AIFM3: variants seen among roughly 807,000 people sequenced by gnomAD.
AIFM3 encodes the protein apoptosis-inducing factor 3.
Under a neutral mutation model 82.7 loss-of-function variants are expected in AIFM3, and 71 were observed. That is an observed-to-expected ratio of 0.86 (90% confidence interval 0.71 to 1.05). The LOEUF (loss-of-function observed/expected upper bound fraction) is 1.05. AIFM3 is among the 50% of genes least tolerant of loss of function. The pLI is 0.00. For synonymous variants in AIFM3, 337 were observed against 329.1 expected (o/e 1.02, Z -0.26); for missense variants, 748 against 816.7 (o/e 0.92, Z 1.03).
At position 20,975,760 on chromosome 22, in the gene AIFM3, G is replaced by T. The variant is rs1408097932; in HGVS notation, c.789G>T (p.Glu263Asp). The change falls in exon 9 of 21, where the codon GAG becomes GAT. Residue 263 changes from glutamate to aspartate, a missense_variant. Glu to Asp is a conservative substitution (Grantham distance 45). Around this residue, in one of 5 missense-constraint regions of AIFM3, gnomAD observed 393 missense variants for 481.1 expected, o/e 0.82. Transcript: ENST00000440238. ...AGTTTTTCCGAGCCTATGGCATCGA[G>T]GTGCTCACCGAGGCTCAGGTACAGG... ...PKEFFRAYGI[E>D]VLTEAQVVTV... is the part of the protein sequence containing the mutation. 6.2e-7 allele frequency: 1 copy of T among 1,613,124 alleles called. No homozygotes were observed. The highest frequency in any genetic ancestry group is 8.5e-7 in the Non-Finnish European group (1 of 1,180,000).
In AIFM3 at chr22:20,974,083, G is replaced by A. The variant is rs1214392294; in HGVS notation, c.376G>A (p.Val126Met). ...LVKGVLSRGR[V>M]RCPWHGACFN... The stretch of plus-strand genomic sequence containing the variant: ...CCCAGGCGTTCTGTCCCGTGGTCGG[G>A]TGCGCTGCCCCTGGCACGGCGCCTG... Residue 126 changes from valine to methionine, a missense_variant, in exon 5 of 21, where the codon GTG (valine) becomes ATG (methionine). Coordinates refer to ENST00000440238, the MANE Select transcript of AIFM3 (RefSeq NM_001386814.1). The A allele has an allele frequency of 1.2e-6, 2 of 1,610,848 alleles. No homozygotes were observed. The highest frequency in any genetic ancestry group is 1.7e-6 in the Non-Finnish European group (2 of 1,179,594).
At chr22:20,978,483 T>C (rs1569150563) in intron 16 of AIFM3, among the ~76,000 whole-genome samples, 1 of 152,010 alleles carries the variant, frequency 6.6e-6, no homozygotes, top group East Asian at 1.9e-4. Context: ...CCTCCTGATG[T>C]TTGCTGGCCA....
Position 20,981,073 on chromosome 22 carries a change from G to A in AIFM3, c.*42G>A. The A allele has an allele frequency of 6.2e-7, 1 of 1,613,284 alleles. No homozygotes were observed. ...CTTGGGCAGGCAAAGGGGGCACCAA[G>A]GGCACAGGCCAAGCCTTGGGGGCAG... On this transcript the variant is annotated 3_prime_UTR_variant, in exon 21 of 21. Coordinates refer to ENST00000440238, the MANE Select transcript of AIFM3 (RefSeq NM_001386814.1).
chr22:20,980,458 G>T, intron 19 of AIFM3: 1 of 598,452 alleles, frequency 1.7e-6, no homozygotes, highest in Non-Finnish European at 3.0e-6. Context: ...CAGAAGCTAG[G>T]TGGGAAATGC....
At position 20,973,764 on chromosome 22, in the gene AIFM3, G is replaced by A; in HGVS notation, c.252G>A (p.Arg84=). ...GAGTGCTGCGGTTCCCCAGGATGCG[G>A]GAAGTGGAGCTGGGCTGGGGGAAGG... ...HVKDLENGQM[R]EVELGWGKVL... is the part of the protein sequence containing the mutation. The change falls in exon 4 of 21, where the codon CGG becomes CGA. Residue 84 remains arginine, a synonymous_variant. Transcript: ENST00000440238. 6.4e-7 allele frequency: 1 copy of A among 1,561,464 alleles called. No individual in the cohort carries two copies. Among genetic ancestry groups the A allele is most frequent in the Non-Finnish European group, 8.7e-7 (1 of 1,153,650 alleles).
intron 16 of AIFM3, among the ~76,000 whole-genome samples, chr22:20,978,868 G>A (rs1031955953): frequency 6.6e-6 from 1 of 152,108 alleles, no homozygotes; most frequent in East Asian, 1.9e-4. Context: ...ATCCACACTG[G>A]TCTCTTTGGG....
At chr22:20,965,673 T>TGGGAGTCCGATCTGGGC (rs1317985659), upstream of AIFM3, among the ~76,000 whole-genome samples, 23 of 152,158 alleles carry the variant, frequency 1.5e-4, no homozygotes, top group Admixed American at 3.9e-4. Context: ...TGGAAGCCAC[T>TGGGAGTCCGATCTGGGC]GGGAGTCCGA....
At chr22:20,979,973 G>T in intron 18 of AIFM3, 47 bp from the exon 19 acceptor site, 2 of 1,559,638 alleles carry the variant, frequency 1.3e-6, no homozygotes, top group South Asian at 1.1e-5. Context: ...TTTCAAAAAG[G>T]GGCTGCTGCC....
rs1019908962 is a variant in AIFM3 at position 20,967,297 on chromosome 22, C to G, written c.-147C>G. The G allele has an allele frequency of 2.6e-5, 4 of 152,432 alleles. No individual in the cohort carries two copies. Among genetic ancestry groups the G allele is most frequent in the East Asian group, 1.9e-4 (1 of 5,162 alleles). The allele number at this position is 152,432 out of a possible 1,614,324, so 9.4% of individuals were successfully genotyped here. ...GGAACACGGAGCAGTGGCTGCCCTG[C>G]GAGGAGGTGGGTGTCCGGAGTGCTA... is the stretch of plus-strand genomic sequence containing the variant. On this transcript the variant is annotated 5_prime_UTR_variant, in exon 1 of 21. Transcript: ENST00000440238.
chr22:20,979,997 G>C lies in AIFM3; in HGVS notation c.1653-23G>C, dbSNP rs770285153. 5.6e-5 allele frequency: 90 copies of C among 1,605,256 alleles called. 1 individual carries two copies. In the Middle Eastern group the frequency reaches 8.2e-4, roughly 15 times the overall value. On this transcript the variant is annotated intron_variant, in intron 18 of 20. Coordinates refer to ENST00000440238, the MANE Select transcript of AIFM3 (RefSeq NM_001386814.1). ...GGGGCTGCTGCCTCGCAGTCCTCAG[G>C]CTTGGCCATCCTCTCCTTGCAGAGG...
chr22:20,970,455 A>AT (rs1486460472), intron 2 of AIFM3, among the ~76,000 whole-genome samples: 1 of 151,828 alleles, frequency 6.6e-6, no homozygotes, highest in African/African-American at 2.4e-5. Context: ...AATTTTATTT[A>AT]TTTTTTTAAC....
upstream of AIFM3, chr22:20,966,510 C>A (rs774417093): frequency 6.6e-6 from 1 of 152,328 alleles, no homozygotes; most frequent in Non-Finnish European, 1.5e-5. Context: ...TCTCAGGCAC[C>A]CACCCACGGC....
Position 20,973,836 on chromosome 22 carries a change from G to A in AIFM3, c.324G>A (p.Lys108=). 2.5e-6 allele frequency: 4 copies of A among 1,572,626 alleles called. No individual in the cohort carries two copies. Among genetic ancestry groups the A allele is most frequent in the Non-Finnish European group, 3.5e-6 (4 of 1,158,516 alleles). The change falls in exon 4 of 21, where the codon AAG becomes AAA. Residue 108 remains lysine, a synonymous_variant. Coordinates refer to ENST00000440238, the MANE Select transcript of AIFM3 (RefSeq NM_001386814.1). The part of the protein sequence containing the change: ...DNGEFHALGH[K]CPHYGAPLVK... ...GGGAGTTCCACGCCCTGGGCCATAA[G>A]TGTCCGCACTACGGCGCACCCCTGG...
At position 20,974,586 on chromosome 22, in the gene AIFM3, A is replaced by G; in HGVS notation, c.572A>G (p.Tyr191Cys). ...MAKCISPSAGYSSSTNVLIVG... is the reference protein window; with the variant it reads ...MAKCISPSAGCSSSTNVLIVG... ...AAGTGTATCTCTCCAAGTGCTGGGTACAGCAGTAGCACCAATGTGCTCATT... is the reference window on the plus strand; with the variant it reads ...AAGTGTATCTCTCCAAGTGCTGGGTGCAGCAGTAGCACCAATGTGCTCATT... Residue 191 changes from tyrosine to cysteine, a missense_variant, in exon 7 of 21, where the codon TAC becomes TGC. By Grantham distance (194) the Tyr-to-Cys change is radical. This residue lies in a region of AIFM3 where 393 missense variants were observed against 481.1 expected (regional missense o/e 0.82). Transcript: ENST00000440238. 1 of 1,613,936 alleles carries G rather than the reference A, an allele frequency of 6.2e-7. No individual in the cohort carries two copies. Among genetic ancestry groups the G allele is most frequent in the East Asian group, 2.2e-5 (1 of 44,866 alleles).
intron 2 of AIFM3, among the ~76,000 whole-genome samples, chr22:20,971,649 A>G (rs1445670136): frequency 6.6e-6 from 1 of 152,166 alleles, no homozygotes; most frequent in Non-Finnish European, 1.5e-5. Context: ...GGAAGGGATG[A>G]GAGGTAAAAC....
At chr22:20,980,269 G>A in intron 19 of AIFM3, 145 bp downstream of exon 19, 1 of 685,350 alleles carries the variant, frequency 1.5e-6, no homozygotes, top group Non-Finnish European at 2.4e-6. Context: ...GGACTACAGG[G>A]AGGTGTGGGG....
rs1295003873 is a variant in AIFM3 at position 20,973,743 on chromosome 22, G to C, written c.246-15G>C. ...CTGGTGTCTGGCCTGACCTCTGAGT[G>C]CTGCGGTTCCCCAGGATGCGGGAAG... On this transcript the variant is annotated splice_polypyrimidine_tract_variant and intron_variant, in intron 3 of 20. Transcript: ENST00000440238. 3.3e-6 allele frequency: 5 copies of C among 1,532,452 alleles called. No homozygotes were observed. Among genetic ancestry groups the C allele is most frequent in the Middle Eastern group, 1.8e-4 (1 of 5,444 alleles). 94.9% of individuals were successfully genotyped at this position (1,532,452 alleles called of 1,614,324 possible).
chr22:20,980,705 T>C, intron 19 of AIFM3, 42 bp from the exon 20 acceptor site: 1 of 1,614,036 alleles, frequency 6.2e-7, no homozygotes, highest in East Asian at 2.2e-5. Flanking sequence ...ACATGCTCTC[T>C]CCTTGGCCTT....
chr22:20,973,577 G>T, intron 3 of AIFM3, 57 bp downstream of exon 3: 1 of 1,544,602 alleles, frequency 6.5e-7, no homozygotes. Context: ...GGGAGGGTGA[G>T]GGGGCCATAG....
Sources: allele counts gnomAD v4.1 joint callset (sites outside exome capture counted in the v4.1 genomes callset), GRCh38; gene constraint gnomAD v4.1.1; regional missense constraint gnomAD v4.1.1; transcripts MANE v1.5; gene names NCBI Gene and HGNC (gene_info 2026-07-23, HGNC 2026-07-21).